Variants in ELMOD1 observed in about 807,000 individuals in gnomAD.
ELMOD1 encodes ELMO domain-containing protein 1.
ELMOD1 carries 21 observed loss-of-function variants against 46.7 expected under a neutral mutation model. The observed-to-expected ratio is 0.45, with a 90% CI of 0.32 to 0.65. ELMOD1 has a LOEUF of 0.65. ELMOD1 is among the 30% of genes least tolerant of loss of function. ELMOD1 has a pLI of 0.04. For missense variants in ELMOD1, 348 were observed against 407.8 expected (o/e 0.85, Z 1.26); for synonymous variants, 122 against 138.2 (o/e 0.88, Z 0.82).
chr11:107,630,299 A>G lies in ELMOD1; in HGVS notation c.18-118A>G, dbSNP rs542659367. ...ATGGGACTAGAAACATATGTTAAGTATAAGGTGATTTTTCTAACCCCTGAT... is the reference window on the plus strand; with the variant it reads ...ATGGGACTAGAAACATATGTTAAGTGTAAGGTGATTTTTCTAACCCCTGAT... On this transcript the variant is annotated intron_variant, in intron 2 of 11. Coordinates refer to ENST00000265840, the MANE Select transcript of ELMOD1 (RefSeq NM_018712.4). The G allele has an allele frequency of 4.2e-5, 35 of 836,600 alleles. No individual in the cohort carries two copies. In the African/African-American group the frequency reaches 5.5e-4, roughly 13 times the overall value. The allele number at this position is 836,600 out of a possible 1,614,324, so 51.8% of individuals were successfully genotyped here.
chr11:107,658,314 T>C (rs1866670343), intron 11 of ELMOD1, among the ~76,000 whole-genome samples: 2 of 152,134 alleles, frequency 1.3e-5, no homozygotes, highest in African/African-American at 4.8e-5. Context: ...CATGTATAAC[T>C]TAGATAAAAA....
intron 6 of ELMOD1, among the ~76,000 whole-genome samples, chr11:107,636,846 T>A (rs1866237625): frequency 1.3e-5 from 2 of 152,208 alleles, no homozygotes; most frequent in Admixed American, 1.3e-4. Flanking sequence ...TTTTATATTG[T>A]CTTTTTTTTT....
intron 1 of ELMOD1, 104 bp from the exon 2 acceptor site, chr11:107,618,001 G>C: frequency 1.6e-6 from 1 of 636,382 alleles, no homozygotes; most frequent in Admixed American, 2.3e-5. Flanking sequence ...ATAATGTTCT[G>C]GGTGGCTGGC....
intron 2 of ELMOD1, among the ~76,000 whole-genome samples, chr11:107,625,069 T>C (rs1022786087): frequency 9.9e-5 from 15 of 152,226 alleles, no homozygotes; most frequent in Non-Finnish European, 1.5e-5. Flanking sequence ...GACCCACGGA[T>C]GGTTTCTTTG....
chr11:107,621,624 A>G lies in ELMOD1; in HGVS notation c.17+3418A>G, dbSNP rs543060874. 6.1e-5 allele frequency among the ~76,000 whole-genome samples: 4 copies of G among 65,508 alleles called. No homozygotes were observed. In the South Asian group the frequency reaches 1.8e-3, roughly 30 times the overall value. The allele number at this position is 65,508 out of a possible 152,430, so 43.0% of individuals were successfully genotyped here. ...AAAGTTAAGTGACTTCAACAAAGGC[A>G]CATAGATGTTTGAATGCAGGCCTCT... On this transcript the variant is annotated intron_variant, in intron 2 of 11. Transcript: ENST00000265840.
At chr11:107,625,709 T>C (rs1866030129) in intron 2 of ELMOD1, among the ~76,000 whole-genome samples, 1 of 152,242 alleles carries the variant, frequency 6.6e-6, no homozygotes, top group African/African-American at 2.4e-5. Context: ...ATTGGGTGGC[T>C]ATTCTGGTTC....
chr11:107,654,830 T>C (rs1866598128), intron 10 of ELMOD1, among the ~76,000 whole-genome samples: 2 of 152,058 alleles, frequency 1.3e-5, no homozygotes, highest in Admixed American at 6.5e-5. Context: ...TTACCAAATA[T>C]TGGGCTATTT....
At chr11:107,598,000 G>A (rs569682454) in intron 1 of ELMOD1, among the ~76,000 whole-genome samples, 106 of 152,240 alleles carry the variant, frequency 7.0e-4, no homozygotes, top group African/African-American at 2.4e-3. Flanking sequence ...TGTACTCTAC[G>A]TGTACTCTGT....
intron 1 of ELMOD1, chr11:107,600,675 T>G (rs1865582252): frequency 6.5e-6 from 1 of 152,952 alleles, no homozygotes; most frequent in South Asian, 2.1e-4. Context: ...CGTTGAACCA[T>G]GTCAACATTT....
At chr11:107,610,358 GAATTACACAAATA>G in intron 1 of ELMOD1, among the ~76,000 whole-genome samples, 1 of 152,252 alleles carries the variant, frequency 6.6e-6, no homozygotes, top group Non-Finnish European at 1.5e-5. Flanking sequence ...GAGTAAAGCT[GAATTACACAAATA>G]AAACGTCAAT....
chr11:107,651,156 T>C (rs1490137173), intron 9 of ELMOD1, among the ~76,000 whole-genome samples: 1 of 152,210 alleles, frequency 6.6e-6, no homozygotes, highest in South Asian at 2.1e-4. Flanking sequence ...GAGAAACATT[T>C]TGAACACTCA....
intron 1 of ELMOD1, among the ~76,000 whole-genome samples, chr11:107,610,943 A>G (rs1440145355): frequency 6.7e-6 from 1 of 148,184 alleles, no homozygotes; most frequent in African/African-American, 2.5e-5. Context: ...TATCTACAAA[A>G]ATTAACTCAA....
chr11:107,618,110 A>G lies in ELMOD1; in HGVS notation c.-80A>G. ...TATCTAATTTCTTCCCACAGTTGAC[A>G]CTTACTTTGACAAAGGCAAATTTGG... On this transcript the variant is annotated 5_prime_UTR_variant, in exon 2 of 12. Coordinates refer to ENST00000265840, the MANE Select transcript of ELMOD1 (RefSeq NM_018712.4). The G allele has an allele frequency of 1.4e-6, 2 of 1,458,246 alleles. No individual in the cohort carries two copies. Among genetic ancestry groups the G allele is most frequent in the Non-Finnish European group, 1.9e-6 (2 of 1,062,110 alleles). The allele number at this position is 1,458,246 out of a possible 1,614,324, so 90.3% of individuals were successfully genotyped here. A position where few individuals can be genotyped will look rare whatever the true frequency, so the allele number is the denominator to read the frequency against.
intron 5 of ELMOD1, among the ~76,000 whole-genome samples, chr11:107,633,106 A>G (rs765515871): frequency 4.6e-5 from 7 of 152,210 alleles, no homozygotes; most frequent in Non-Finnish European, 1.0e-4. Context: ...CCCATCCCCA[A>G]GGTATCTCAT....
At chr11:107,593,713 TA>T (rs1229695410) in intron 1 of ELMOD1, among the ~76,000 whole-genome samples, 10 of 152,224 alleles carry the variant, frequency 6.6e-5, no homozygotes, top group Admixed American at 5.2e-4. Context: ...TTATTGTTTT[TA>T]CCTATGTCCC....
chr11:107,610,375 C>T (rs536876544), intron 1 of ELMOD1, among the ~76,000 whole-genome samples: 19 of 152,074 alleles, frequency 1.2e-4, no homozygotes, highest in Non-Finnish European at 2.2e-4. Context: ...ACAAATAAAA[C>T]GTCAATATCT....
chr11:107,644,870 C>T (rs572052586), intron 6 of ELMOD1, among the ~76,000 whole-genome samples: 294 of 151,872 alleles, frequency 1.9e-3, no homozygotes, highest in Middle Eastern at 0.014. Context: ...TCCCTTTTTT[C>T]CCTTCATTGT....
intron 1 of ELMOD1, among the ~76,000 whole-genome samples, chr11:107,596,988 C>T (rs1865502180): frequency 6.6e-6 from 1 of 152,056 alleles, no homozygotes; most frequent in African/African-American, 2.4e-5. Flanking sequence ...GGGTGAGGGG[C>T]AGAAATGAGA....
At chr11:107,664,900 T>G (rs990091508) in intron 11 of ELMOD1, 125 bp from the exon 12 acceptor site, 5 of 827,370 alleles carry the variant, frequency 6.0e-6, no homozygotes, top group African/African-American at 1.7e-5. Context: ...GATTTTGAGG[T>G]CTTCTTTGAG....
Sources: allele counts gnomAD v4.1 joint callset (sites outside exome capture counted in the v4.1 genomes callset), GRCh38; gene constraint gnomAD v4.1.1; transcripts MANE v1.5; gene names NCBI Gene and HGNC (gene_info 2026-07-23, HGNC 2026-07-21).